The following SULF1 variants were observed in gnomAD, a reference collection of about 807,000 sequenced individuals.
SULF1 encodes extracellular sulfatase Sulf-1.
In SULF1, 46 loss-of-function variants were observed where a neutral mutation model predicts 110.5. The ratio of observed to expected loss-of-function variants is 0.42; its 90% CI spans 0.33 to 0.53. SULF1 has a LOEUF of 0.53. SULF1 is among the 20% of genes least tolerant of loss of function. The pLI, the probability that SULF1 is intolerant of heterozygous loss-of-function variation, is 0.12. For synonymous variants in SULF1, 371 were observed against 387.1 expected (o/e 0.96, Z 0.49); for missense variants, 941 against 1,094.2 (o/e 0.86, Z 1.98).
intron 3 of SULF1, among the ~76,000 whole-genome samples, chr8:69,545,937 C>T (rs377119506): frequency 2.8e-3 from 420 of 152,274 alleles, no homozygotes; most frequent in African/African-American, 3.6e-3. Context: ...TCAGGTGATC[C>T]GCCCACCTCG....
chr8:69,508,383 G>T (rs1298778717), intron 3 of SULF1, among the ~76,000 whole-genome samples: 2 of 152,154 alleles, frequency 1.3e-5, no homozygotes, highest in South Asian at 4.1e-4. Context: ...GAGGTTACAG[G>T]CATGAGCCAC....
At chr8:69,622,534 G>A (rs185269806) in intron 14 of SULF1, among the ~76,000 whole-genome samples, 15 of 151,556 alleles carry the variant, frequency 9.9e-5, no homozygotes, top group African/African-American at 2.7e-4. Context: ...GCAGTGAGCC[G>A]AGATCGCACC....
In SULF1 at chr8:69,548,428, T is replaced by C. The variant is rs928159224; in HGVS notation, c.-133-15111T>C. The stretch of plus-strand genomic sequence containing the variant: ...CTTAGAAAAAGTCAAAATCATAGCC[T>C]AGAGCACTTTGGATGTTAACTTTTT... On this transcript the variant is annotated intron_variant, in intron 3 of 22. Coordinates refer to ENST00000402687, the MANE Select transcript of SULF1 (RefSeq NM_001128205.2). 2.0e-5 allele frequency among the ~76,000 whole-genome samples: 3 copies of C among 151,262 alleles called. No homozygotes were observed. The East Asian group carries it at 5.8e-4, about 29-fold the overall frequency.
chr8:69,468,441 T>C (rs1002573101), intron 1 of SULF1, among the ~76,000 whole-genome samples: 17 of 152,242 alleles, frequency 1.1e-4, no homozygotes, highest in African/African-American at 3.9e-4. Flanking sequence ...TAAAACAATA[T>C]TTTAATATGG....
rs190013792 is a variant in SULF1 at position 69,636,488 on chromosome 8, G to A, written c.2285-2014G>A. Among the ~76,000 whole-genome samples, 312 of 151,860 alleles carry A rather than the reference G, an allele frequency of 2.1e-3. 2 individuals are homozygous for A. The highest frequency in any genetic ancestry group is 6.8e-3 in the African/African-American group (283 of 41,382). ...GGAGGCGGAGCTTGCAGTGAGCCGA[G>A]ATCGCTCCACTGCACTCCAGCCTGG... is the stretch of plus-strand genomic sequence containing the variant. On this transcript the variant is annotated intron_variant, in intron 19 of 22. Coordinates refer to ENST00000402687, the MANE Select transcript of SULF1 (RefSeq NM_001128205.2).
In SULF1 at chr8:69,494,900, A is replaced by AG. The variant is rs1447737545; in HGVS notation, c.-390-865_-390-864insG. On this transcript the variant is annotated intron_variant, in intron 1 of 22. Transcript: ENST00000402687. ...ATCTCAAAGGAAAAAAAAAAAAAAAAAGAGAGAGACTATTGTAGTGTTCCA... is the reference window on the plus strand; with the variant it reads ...ATCTCAAAGGAAAAAAAAAAAAAAAAGAGAGAGAGACTATTGTAGTGTTCCA... Among the ~76,000 whole-genome samples the AG allele has an allele frequency of 2.0e-3, 298 of 151,084 alleles. 2 individuals are homozygous for AG. Among genetic ancestry groups the AG allele is most frequent in the African/African-American group, 6.2e-3 (256 of 41,116 alleles).
intron 19 of SULF1, among the ~76,000 whole-genome samples, chr8:69,630,961 C>T (rs1035092429): frequency 1.9e-4 from 29 of 151,138 alleles, no homozygotes; most frequent in African/African-American, 5.4e-4. Flanking sequence ...AATGCTATCC[C>T]TCCCCCCTGC....
chr8:69,575,670 C>T (rs1386497926), intron 5 of SULF1, among the ~76,000 whole-genome samples: 2 of 152,014 alleles, frequency 1.3e-5, no homozygotes, highest in Non-Finnish European at 2.9e-5. Context: ...GGGCTGCTGG[C>T]CTTTGAATCT....
chr8:69,565,315 T>C (rs550464810), intron 5 of SULF1, among the ~76,000 whole-genome samples: 1 of 152,102 alleles, frequency 6.6e-6, no homozygotes. Flanking sequence ...TTAGCACATA[T>C]GATGTTAGTA....
chr8:69,584,685 A>T (rs1265801653), intron 6 of SULF1: 1 of 152,248 alleles, frequency 6.6e-6, no homozygotes, highest in Non-Finnish European at 1.5e-5. Flanking sequence ...GGGCAAAATC[A>T]TCGAACACAA....
chr8:69,560,670 T>C (rs184461221), intron 3 of SULF1, among the ~76,000 whole-genome samples: 4 of 152,366 alleles, frequency 2.6e-5, no homozygotes, highest in African/African-American at 7.2e-5. Context: ...AATTCAAACA[T>C]TGCATCCTTG....
chr8:69,543,837 A>G (rs1411126369), intron 3 of SULF1, among the ~76,000 whole-genome samples: 3 of 152,186 alleles, frequency 2.0e-5, no homozygotes, highest in Non-Finnish European at 2.9e-5. Context: ...TGTGAACTAC[A>G]GGTGTACCAA....
In SULF1 at chr8:69,658,515, T is replaced by C. The variant is rs201165394; in HGVS notation, c.2596T>C (p.Trp866Arg). ...GSYDLHRGQL[W>R]DGWEG ...TCTCTCTTTTCACAGAGGACAGTTA[T>C]GGGATGGATGGGAAGGTTAATCAGC... The change falls in exon 23 of 23, where the codon TGG becomes CGG. Residue 866 changes from tryptophan (W) to arginine (R), a missense_variant. Trp to Arg is a moderately radical substitution (Grantham distance 101). This residue lies in a region of SULF1 where 112 missense variants were observed against 133.5 expected (regional missense o/e 0.84). Transcript: ENST00000402687. 3 of 1,604,794 alleles carry C rather than the reference T, an allele frequency of 1.9e-6. No individual in the cohort carries two copies. Among genetic ancestry groups the C allele is most frequent in the Non-Finnish European group, 2.6e-6 (3 of 1,175,220 alleles).
At chr8:69,586,328 A>G in intron 6 of SULF1, 29 bp from the exon 7 acceptor site, 1 of 1,539,822 alleles carries the variant, frequency 6.5e-7, no homozygotes, top group Non-Finnish European at 8.7e-7. Context: ...ATTTTACGTG[A>G]AAAAAATAAT....
chr8:69,473,892 A>G (rs1809195075), intron 1 of SULF1, among the ~76,000 whole-genome samples: 1 of 152,222 alleles, frequency 6.6e-6, no homozygotes, highest in Non-Finnish European at 1.5e-5. Flanking sequence ...ATCAGTAAAT[A>G]GTGTTACTAA....
chr8:69,652,591 A>G (rs780619436), intron 22 of SULF1, among the ~76,000 whole-genome samples: 2 of 152,228 alleles, frequency 1.3e-5, no homozygotes, highest in Non-Finnish European at 2.9e-5. Context: ...TGTTAAATCA[A>G]GTTTAGCCTA....
chr8:69,595,799 A>G (rs1807262802), intron 8 of SULF1, among the ~76,000 whole-genome samples: 2 of 152,218 alleles, frequency 1.3e-5, no homozygotes, highest in South Asian at 4.1e-4. Flanking sequence ...GAGCGACACC[A>G]AAGGCCATCG....
chr8:69,531,985 G>A (rs376221870), intron 3 of SULF1, among the ~76,000 whole-genome samples: 9 of 152,240 alleles, frequency 5.9e-5, no homozygotes, highest in African/African-American at 2.2e-4. Flanking sequence ...CAGAAGCCCT[G>A]AGGCTCAGTT....
At chr8:69,614,216 C>T (rs563526842) in intron 13 of SULF1, among the ~76,000 whole-genome samples, 1 of 152,314 alleles carries the variant, frequency 6.6e-6, no homozygotes, top group Admixed American at 6.5e-5. Flanking sequence ...CTTACTTGCT[C>T]AGGGCCACAT....
Sources: allele counts gnomAD v4.1 joint callset (sites outside exome capture counted in the v4.1 genomes callset), GRCh38; gene constraint gnomAD v4.1.1; regional missense constraint gnomAD v4.1.1; transcripts MANE v1.5; gene names NCBI Gene and HGNC (gene_info 2026-07-23, HGNC 2026-07-21).